IDO2: variants seen among roughly 807,000 people sequenced by gnomAD.
IDO2 encodes the protein indoleamine 2,3-dioxygenase 2.
A neutral mutation model predicts 45.1 loss-of-function variants in IDO2; 46 were observed. The ratio of observed to expected loss-of-function variants is 1.02; its 90% CI spans 0.80 to 1.30. The LOEUF (loss-of-function observed/expected upper bound fraction) is 1.30. IDO2 is among the 50% of genes most tolerant of loss of function. IDO2 has a pLI of 0.00. For missense variants in IDO2, 544 were observed against 491.8 expected (o/e 1.11, Z -1.00); for synonymous variants, 218 against 184.9 (o/e 1.18, Z -1.45).
chr8:39,966,004 A>G (rs1360248087), intron 3 of IDO2, among the ~76,000 whole-genome samples: 1 of 150,592 alleles, frequency 6.6e-6, no homozygotes, highest in Non-Finnish European at 1.5e-5. Flanking sequence ...AACTAACACA[A>G]CACTCTTGGT....
intron 3 of IDO2, among the ~76,000 whole-genome samples, chr8:39,965,986 G>A (rs148401965): frequency 1.3e-5 from 2 of 151,178 alleles, no homozygotes; most frequent in East Asian, 1.9e-4. Flanking sequence ...AGTTATGGCA[G>A]CGCATAAAAC....
chr8:39,955,196 A>C (rs1287433667), intron 2 of IDO2, among the ~76,000 whole-genome samples: 1 of 149,344 alleles, frequency 6.7e-6, no homozygotes, highest in Non-Finnish European at 1.5e-5. Flanking sequence ...AGATGGACTC[A>C]TTAACAAATA....
exon 1 of IDO2, chr8:39,935,019 T>C: frequency 1.4e-6 from 1 of 711,130 alleles, no homozygotes; most frequent in Non-Finnish European, 2.6e-6. Context: ...GAAAATGCAC[T>C]GCCAGTTGAA....
chr8:39,972,635 A>AAAAAG (rs1808196239), intron 3 of IDO2, among the ~76,000 whole-genome samples: 5 of 148,110 alleles, frequency 3.4e-5, no homozygotes, highest in Non-Finnish European at 4.5e-5. Flanking sequence ...AAAAAAAAAA[A>AAAAAG]GTTCTACTGG....
intron 9 of IDO2, among the ~76,000 whole-genome samples, chr8:40,009,888 A>AT (rs1012037861): frequency 2.0e-5 from 3 of 152,204 alleles, no homozygotes; most frequent in Non-Finnish European, 4.4e-5. Flanking sequence ...TTCTGGATAT[A>AT]TAATACATAC....
intron 2 of IDO2, among the ~76,000 whole-genome samples, chr8:39,951,947 A>G (rs1482341797): frequency 5.3e-5 from 8 of 152,176 alleles, no homozygotes; most frequent in African/African-American, 1.7e-4. Context: ...CTGATATGCT[A>G]TGGTTTTGTT....
chr8:39,984,688 C>A (rs1003209542), intron 5 of IDO2, among the ~76,000 whole-genome samples: 1 of 152,022 alleles, frequency 6.6e-6, no homozygotes, highest in African/African-American at 2.4e-5. Flanking sequence ...GCAAAGTACT[C>A]CCCATGTGGT....
intron 5 of IDO2, chr8:39,984,880 T>A: frequency 2.3e-6 from 1 of 431,428 alleles, no homozygotes; most frequent in South Asian, 1.7e-5. Flanking sequence ...TAGAATAAAA[T>A]GTGGGGTTGT....
At chr8:39,992,497 C>T (rs953494078) in intron 8 of IDO2, among the ~76,000 whole-genome samples, 7 of 152,300 alleles carry the variant, frequency 4.6e-5, no homozygotes, top group Non-Finnish European at 1.0e-4. Context: ...TCTTGTTCTG[C>T]CCAGATTCCC....
chr8:39,992,375 G>A (rs1010156421), intron 8 of IDO2, among the ~76,000 whole-genome samples: 15 of 152,144 alleles, frequency 9.9e-5, no homozygotes, highest in African/African-American at 3.6e-4. Flanking sequence ...CTTCTGCCCA[G>A]GAGTGAAGGT....
chr8:39,978,199 G>A (rs1358412160), intron 3 of IDO2, among the ~76,000 whole-genome samples: 1 of 152,208 alleles, frequency 6.6e-6, no homozygotes, highest in Non-Finnish European at 1.5e-5. Flanking sequence ...CCCCAGCTCT[G>A]TGCCCACGTG....
intron 3 of IDO2, among the ~76,000 whole-genome samples, chr8:39,973,574 ATAT>A (rs1027743259): frequency 5.3e-5 from 8 of 152,086 alleles, no homozygotes; most frequent in Non-Finnish European, 1.2e-4. Context: ...AATTTATAAA[ATAT>A]TATAATAGCA....
At chr8:40,005,791 C>A (rs1332553591) in intron 9 of IDO2, among the ~76,000 whole-genome samples, 2 of 152,144 alleles carry the variant, frequency 1.3e-5, no homozygotes, top group Non-Finnish European at 2.9e-5. Flanking sequence ...AAGAGCTACA[C>A]TGTGGTTTGA....
chr8:40,011,789 T>C (rs1003645633), intron 9 of IDO2, among the ~76,000 whole-genome samples: 3 of 152,250 alleles, frequency 2.0e-5, no homozygotes, highest in Admixed American at 2.0e-4. Context: ...GAGAGGTTAA[T>C]GAACTAAGCC....
chr8:39,983,166 T>C (rs1258459719), intron 5 of IDO2, among the ~76,000 whole-genome samples: 2 of 152,210 alleles, frequency 1.3e-5, no homozygotes, highest in East Asian at 3.8e-4. Context: ...TATGGATGAA[T>C]TCAGAGCAGA....
intron 9 of IDO2, among the ~76,000 whole-genome samples, chr8:40,007,818 C>A (rs996912890): frequency 6.6e-6 from 1 of 152,120 alleles, no homozygotes; most frequent in African/African-American, 2.4e-5. Context: ...CATTTAGGGT[C>A]GCAAAAGGCC....
At chr8:39,991,083 CTAGG>C in intron 8 of IDO2, among the ~76,000 whole-genome samples, 1 of 152,248 alleles carries the variant, frequency 6.6e-6, no homozygotes, top group East Asian at 1.9e-4. Flanking sequence ...GAGAAAGACG[CTAGG>C]TACTGCCAAG....
intron 6 of IDO2, among the ~76,000 whole-genome samples, chr8:39,986,613 C>A (rs1396664158): frequency 6.6e-6 from 1 of 151,952 alleles, no homozygotes; most frequent in Non-Finnish European, 1.5e-5. Flanking sequence ...GACAGCAGAT[C>A]ATTTAGAAAT....
At chr8:39,976,808 T>C (rs1808266155) in intron 3 of IDO2, among the ~76,000 whole-genome samples, 1 of 152,198 alleles carries the variant, frequency 6.6e-6, no homozygotes, top group South Asian at 2.1e-4. Context: ...TCCATTTTGA[T>C]GGAAACCCAC....
Sources: allele counts gnomAD v4.1 joint callset (sites outside exome capture counted in the v4.1 genomes callset), GRCh38; gene constraint gnomAD v4.1.1; transcripts MANE v1.5; gene names NCBI Gene and HGNC (gene_info 2026-07-23, HGNC 2026-07-21).